The following SLC24A2 variants were observed in gnomAD, a reference collection of about 807,000 sequenced individuals.
The protein encoded by SLC24A2 is solute carrier family 24 member 2, also known as sodium/potassium/calcium exchanger 2.
In SLC24A2, 36 loss-of-function variants were observed where a neutral mutation model predicts 62.0. The ratio of observed to expected loss-of-function variants is 0.58; its 90% CI spans 0.44 to 0.77. The LOEUF (loss-of-function observed/expected upper bound fraction) is 0.77. SLC24A2 is among the 30% of genes least tolerant of loss of function. The probability of loss-of-function intolerance (pLI) is 0.00; values close to 1 mark genes in which losing one functional copy is unlikely to be tolerated. For synonymous variants in SLC24A2, 358 were observed against 294.0 expected (o/e 1.22, Z -2.23); for missense variants, 846 against 817.9 (o/e 1.03, Z -0.42).
chr9:20,193,994 G>C, the SLC24A2 span, among the ~76,000 whole-genome samples: 1,685 of 152,106 alleles, frequency 0.011, 31 homozygotes, highest in African/African-American at 0.038. Flanking sequence ...AGAATCAATG[G>C]AATAGGACAG....
chr9:19,784,749 T>C (rs1823111678), intron 2 of SLC24A2, among the ~76,000 whole-genome samples: 2 of 152,206 alleles, frequency 1.3e-5, no homozygotes. Flanking sequence ...TTGGTTTTAC[T>C]ATAGTTTCTA....
At chr9:20,213,036 G>T in the SLC24A2 span, among the ~76,000 whole-genome samples, 1 of 151,668 alleles carries the variant, frequency 6.6e-6, no homozygotes, top group Non-Finnish European at 1.5e-5. Context: ...GTGTGTGGGT[G>T]GGGAGGGAGA....
chr9:19,575,206 G>A (rs757064939), intron 6 of SLC24A2, among the ~76,000 whole-genome samples: 1 of 152,150 alleles, frequency 6.6e-6, no homozygotes. Context: ...TAGTGACAGC[G>A]ATACGTATGT....
the SLC24A2 span, among the ~76,000 whole-genome samples, chr9:20,169,057 G>A: frequency 6.6e-6 from 1 of 151,962 alleles, no homozygotes; most frequent in African/African-American, 2.4e-5. Context: ...TTACAAAATA[G>A]GTGGGCATTG....
chr9:20,176,670 G>C, the SLC24A2 span, among the ~76,000 whole-genome samples: 1 of 152,076 alleles, frequency 6.6e-6, no homozygotes, highest in South Asian at 2.1e-4. Context: ...GGGTATAAAT[G>C]AGGAAGTTAG....
the SLC24A2 span, among the ~76,000 whole-genome samples, chr9:20,076,527 A>G: frequency 6.6e-6 from 1 of 152,172 alleles, no homozygotes; most frequent in Non-Finnish European, 1.5e-5. Context: ...AGAAGCTGGG[A>G]AGAGGCAAGA....
At chr9:20,203,155 G>T in the SLC24A2 span, among the ~76,000 whole-genome samples, 1 of 150,894 alleles carries the variant, frequency 6.6e-6, no homozygotes, top group East Asian at 1.9e-4. Context: ...AGCATGTCAT[G>T]ATTTTCTTTA....
At chr9:19,612,369 G>A (rs562770185) in intron 4 of SLC24A2, among the ~76,000 whole-genome samples, 12 of 152,234 alleles carry the variant, frequency 7.9e-5, no homozygotes, top group African/African-American at 2.9e-4. Flanking sequence ...TTTAGAGACA[G>A]AGGTCTTGCT....
the SLC24A2 span, among the ~76,000 whole-genome samples, chr9:19,873,181 GTCCCTTCCTCCCTTCC>G: frequency 7.9e-4 from 120 of 151,146 alleles, no homozygotes; most frequent in Admixed American, 1.8e-3. Flanking sequence ...TAAGTAAGGT[GTCCCTTCCTCCCTTCC>G]TCCCTTCCTC....
Position 19,512,492 on chromosome 9 carries a change from G to A in SLC24A2, c.*3661C>T, listed in dbSNP as rs1031066473. 1.3e-5 allele frequency: 2 copies of A among 152,198 alleles called. No homozygotes were observed. Among genetic ancestry groups the A allele is most frequent in the Admixed American group, 6.5e-5 (1 of 15,274 alleles). 9.4% of individuals were successfully genotyped at this position (152,198 alleles called of 1,614,324 possible). Reference sequence around the variant, plus strand: ...CTGCCTGACTCAGTTTAGGTCCTGGGAAGCTGCATAAACACCATCTGATCT... The same window carrying A: ...CTGCCTGACTCAGTTTAGGTCCTGGAAAGCTGCATAAACACCATCTGATCT... On this transcript the variant is annotated 3_prime_UTR_variant, in exon 11 of 11. Transcript: ENST00000341998.
intron 2 of SLC24A2, among the ~76,000 whole-genome samples, chr9:19,629,857 C>G (rs1172159758): frequency 6.6e-6 from 1 of 152,156 alleles, no homozygotes; most frequent in African/African-American, 2.4e-5. Flanking sequence ...TTTAAAGCTT[C>G]AGTGGGAGAG....
chr9:19,867,820 A>G, the SLC24A2 span, among the ~76,000 whole-genome samples: 1 of 152,172 alleles, frequency 6.6e-6, no homozygotes, highest in Non-Finnish European at 1.5e-5. Context: ...AGGCAGGTGA[A>G]TCGGTCGAAC....
At chr9:19,699,890 G>A (rs1820305202) in intron 2 of SLC24A2, among the ~76,000 whole-genome samples, 1 of 152,014 alleles carries the variant, frequency 6.6e-6, no homozygotes, top group African/African-American at 2.4e-5. Flanking sequence ...GGACACCAAT[G>A]ACTCAGCCCC....
chr9:20,257,262 AT>A, the SLC24A2 span, among the ~76,000 whole-genome samples: 1 of 152,202 alleles, frequency 6.6e-6, no homozygotes, highest in Admixed American at 6.5e-5. Flanking sequence ...ATTAAAAAAT[AT>A]TTTTTAAGGC....
chr9:19,884,966 A>G, the SLC24A2 span, among the ~76,000 whole-genome samples: 1 of 152,094 alleles, frequency 6.6e-6, no homozygotes, highest in African/African-American at 2.4e-5. Flanking sequence ...GTTGAGGAGC[A>G]TCTGTATTCT....
At chr9:20,026,060 G>T in the SLC24A2 span, among the ~76,000 whole-genome samples, 1 of 152,126 alleles carries the variant, frequency 6.6e-6, no homozygotes, top group Non-Finnish European at 1.5e-5. Flanking sequence ...TCCTAACTAG[G>T]TGGCATTGGT....
At chr9:20,102,241 C>G in the SLC24A2 span, among the ~76,000 whole-genome samples, 1 of 152,104 alleles carries the variant, frequency 6.6e-6, no homozygotes, top group African/African-American at 2.4e-5. Context: ...ACTAGATTTT[C>G]TACTAATCTA....
chr9:19,826,895 T>C, the SLC24A2 span, among the ~76,000 whole-genome samples: 2 of 152,188 alleles, frequency 1.3e-5, no homozygotes, highest in South Asian at 4.1e-4. Context: ...AATCTCCTCC[T>C]GGTTCCATGT....
chr9:19,613,200 C>T (rs1311595047), intron 4 of SLC24A2, among the ~76,000 whole-genome samples: 1 of 152,114 alleles, frequency 6.6e-6, no homozygotes, highest in Non-Finnish European at 1.5e-5. Context: ...AATTTTCACC[C>T]CTGAATTTCT....
Sources: allele counts gnomAD v4.1 joint callset (sites outside exome capture counted in the v4.1 genomes callset), GRCh38; gene constraint gnomAD v4.1.1; transcripts MANE v1.5; gene names NCBI Gene and HGNC (gene_info 2026-07-23, HGNC 2026-07-21).